CCDC57: variants seen among roughly 807,000 people sequenced by gnomAD.
CCDC57 encodes the protein coiled-coil domain containing 57, also known as coiled-coil domain-containing protein 57.
A neutral mutation model predicts 118.9 loss-of-function variants in CCDC57; 118 were observed. The ratio of observed to expected loss-of-function variants is 0.99; its 90% confidence interval spans 0.86 to 1.16. CCDC57 has a LOEUF of 1.16. Among genes scored for constraint, CCDC57 ranks in the 50% most tolerant of loss-of-function variants. The pLI, the probability that CCDC57 is intolerant of heterozygous loss-of-function variation, is 0.00. For missense variants in CCDC57, 1,300 were observed against 1,320.7 expected (o/e 0.98, Z 0.24); for synonymous variants, 527 against 532.9 (o/e 0.99, Z 0.15).
At chr17:82,189,717 G>A (rs2047413753) in intron 7 of CCDC57, among the ~76,000 whole-genome samples, 1 of 152,158 alleles carries the variant, frequency 6.6e-6, no homozygotes, top group South Asian at 2.1e-4. Flanking sequence ...GCCGGGCATG[G>A]TAGCACATCC....
At chr17:82,138,341 G>A (rs1313266575) in intron 16 of CCDC57, among the ~76,000 whole-genome samples, 1 of 151,340 alleles carries the variant, frequency 6.6e-6, no homozygotes, top group African/African-American at 2.4e-5. Context: ...GTAGAGACAG[G>A]GTTTCACCCT....
chr17:82,149,476 G>T (rs2041547629), intron 16 of CCDC57, among the ~76,000 whole-genome samples: 1 of 152,074 alleles, frequency 6.6e-6, no homozygotes, highest in Non-Finnish European at 1.5e-5. Context: ...CCTTTACCTG[G>T]AGAAGTCTGC....
intron 1 of CCDC57, among the ~76,000 whole-genome samples, chr17:82,210,596 CT>C (rs997282350): frequency 1.3e-5 from 2 of 151,410 alleles, no homozygotes; most frequent in Non-Finnish European, 2.9e-5. Flanking sequence ...AGGACAATCA[CT>C]TGAACCCGGG....
intron 9 of CCDC57, among the ~76,000 whole-genome samples, chr17:82,183,165 C>G (rs947759694): frequency 6.6e-6 from 1 of 152,158 alleles, no homozygotes; most frequent in Non-Finnish European, 1.5e-5. Context: ...CATACACATT[C>G]ATCAAAATTC....
intron 5 of CCDC57, among the ~76,000 whole-genome samples, 199 bp downstream of exon 4, chr17:82,195,064 C>A (rs2048137612): frequency 6.6e-6 from 1 of 152,276 alleles, no homozygotes; most frequent in African/African-American, 2.4e-5. Context: ...ACCCGGTGCC[C>A]ACCTTTGACG....
chr17:82,157,471 T>G (rs1016493394), intron 15 of CCDC57: 2 of 1,395,182 alleles, frequency 1.4e-6, no homozygotes, highest in African/African-American at 1.4e-5. Flanking sequence ...CAAGATGCTG[T>G]TAGCTGAAGG....
intron 19 of CCDC57, among the ~76,000 whole-genome samples, chr17:82,120,582 A>T (rs542005720): frequency 6.6e-6 from 1 of 152,342 alleles, no homozygotes; most frequent in African/African-American, 2.4e-5. Flanking sequence ...TGAAGTAAAA[A>T]TATCACACAG....
At chr17:82,205,419 G>A (rs901196975) in intron 2 of CCDC57, among the ~76,000 whole-genome samples, 3 of 152,262 alleles carry the variant, frequency 2.0e-5, no homozygotes, top group Admixed American at 6.5e-5. Flanking sequence ...AAATGTGCCC[G>A]CGACTCCTGA....
intron 16 of CCDC57, among the ~76,000 whole-genome samples, chr17:82,148,537 G>A (rs1598912709): frequency 1.4e-5 from 1 of 73,890 alleles, no homozygotes; most frequent in Non-Finnish European, 2.5e-5. Flanking sequence ...GGATGAATGG[G>A]TGGGTGGATG....
chr17:82,141,177 ATTT>A (rs56298520), intron 16 of CCDC57, among the ~76,000 whole-genome samples: 1 of 121,530 alleles, frequency 8.2e-6, no homozygotes, highest in Admixed American at 8.8e-5. Context: ...CGCCCGGCTA[ATTT>A]TTTTTTTTTT....
At chr17:82,207,797 G>GTTGGGTGTTTATGTC (rs1410936907) in intron 2 of CCDC57, 12 of 152,222 alleles carry the variant, frequency 7.9e-5, no homozygotes, top group Admixed American at 7.9e-4. Context: ...GGGTGGACCT[G>GTTGGGTGTTTATGTC]TTGGGTGTTT....
rs2044953125 is a variant in CCDC57 at position 82,172,965 on chromosome 17, C to G, written c.1507-105G>C. 1.0e-6 allele frequency: 1 copy of G among 999,536 alleles called. No homozygotes were observed. Among genetic ancestry groups the G allele is most frequent in the South Asian group, 1.4e-5 (1 of 72,220 alleles). The allele number at this position is 999,536 out of a possible 1,614,324, so 61.9% of individuals were successfully genotyped here. On this transcript the variant is annotated intron_variant, in intron 11 of 19. Coordinates refer to ENST00000665763, the Ensembl canonical transcript of CCDC57. The surrounding 1 kb of genome is among the most constrained non-coding windows in gnomAD (Gnocchi z 5.2). ...CCCGCGCCCCTCTCGGGCCGGTCCCCCGCTTCAGCTTGGGCTGTGGTCCCT... is the reference window on the plus strand; with the variant it reads ...CCCGCGCCCCTCTCGGGCCGGTCCCGCGCTTCAGCTTGGGCTGTGGTCCCT...
Position 82,104,296 on chromosome 17 carries a change from C to CG in CCDC57, c.2900-2431dup, listed in dbSNP as rs777095522. On this transcript the variant is annotated intron_variant, in intron 19 of 19. Coordinates refer to ENST00000665763, the Ensembl canonical transcript of CCDC57. The stretch of plus-strand genomic sequence containing the variant: ...AGTTTGCCGGGCACAGCGTGAGGAA[C>CG]GCGCCTCTTGGGTCCTGCACCCCTC... Among the ~76,000 whole-genome samples the CG allele has an allele frequency of 1.3e-5, 2 of 152,330 alleles. 1 individual carries two copies. Among genetic ancestry groups the CG allele is most frequent in the South Asian group, 4.1e-4 (2 of 4,828 alleles).
intron 16 of CCDC57, among the ~76,000 whole-genome samples, chr17:82,150,056 G>C (rs546251703): frequency 2.4e-5 from 3 of 126,350 alleles, no homozygotes; most frequent in African/African-American, 5.9e-5. Flanking sequence ...CCCCCACCCA[G>C]AACCAGGCAC....
chr17:82,194,807 C>T (rs1394863154), intron 5 of CCDC57, among the ~76,000 whole-genome samples: 1 of 152,268 alleles, frequency 6.6e-6, no homozygotes, highest in African/African-American at 2.4e-5. Context: ...CCACTCGCGT[C>T]CCAGCTGCAC....
chr17:82,138,850 C>A lies in CCDC57; in HGVS notation c.2456-4656G>T, dbSNP rs762685631. Among the ~76,000 whole-genome samples the A allele has an allele frequency of 1.5e-4, 23 of 152,228 alleles. 1 individual carries two copies. Among genetic ancestry groups the A allele is most frequent in the South Asian group, 6.2e-4 (3 of 4,834 alleles). On this transcript the variant is annotated intron_variant, in intron 16 of 19. Coordinates refer to ENST00000665763, the Ensembl canonical transcript of CCDC57. ...GAAGCCATTTGCCAGATGCTGTCAGCCGGCAGCAGTCCAGAGCTAGCAGGC... is the reference window on the plus strand; with the variant it reads ...GAAGCCATTTGCCAGATGCTGTCAGACGGCAGCAGTCCAGAGCTAGCAGGC...
intron 1 of CCDC57, among the ~76,000 whole-genome samples, chr17:82,211,010 G>A (rs78264242): frequency 0.033 from 4,112 of 125,110 alleles, 118 homozygotes; most frequent in South Asian, 0.099. Context: ...AAAAAAAAAA[G>A]AAAAAAAAAA....
intron 14 of CCDC57, among the ~76,000 whole-genome samples, chr17:82,161,506 TGTTGA>T (rs2043330991): frequency 6.6e-6 from 1 of 152,078 alleles, no homozygotes; most frequent in South Asian, 2.1e-4. Context: ...ACAACCCAAA[TGTTGA>T]GTGCATGAAT....
At chr17:82,210,771 A>G (rs1277672346) in intron 1 of CCDC57, among the ~76,000 whole-genome samples, 1 of 151,646 alleles carries the variant, frequency 6.6e-6, no homozygotes, top group East Asian at 1.9e-4. Flanking sequence ...AAGGTGGTGG[A>G]TCACCTGAGG....
Sources: gnomAD v4.1 joint callset for allele counts (sites outside exome capture counted in the v4.1 genomes callset) on GRCh38, gnomAD v4.1.1 for gene constraint, Gnocchi (gnomAD v3.1) non-coding constraint, MANE v1.5 for transcripts, NCBI Gene and HGNC (gene_info 2026-07-23, HGNC 2026-07-21) for gene names.